The following JMJD1C variants were observed in gnomAD, a reference collection of about 807,000 sequenced individuals.
JMJD1C encodes jumonji domain containing 1C, also known as jumonji domain-containing protein 1C.
Under a neutral mutation model 245.3 loss-of-function variants are expected in JMJD1C, and 31 were observed. The observed-to-expected ratio is 0.13, with a 90% confidence interval of 0.09 to 0.17. JMJD1C has a LOEUF of 0.17. Ranked by LOEUF, JMJD1C falls within the 10% of genes least tolerant of loss-of-function variation. The probability of loss-of-function intolerance (pLI) is 1.00; values close to 1 mark genes in which losing one functional copy is unlikely to be tolerated. For missense variants in JMJD1C, 2,691 were observed against 3,000.2 expected (o/e 0.90, Z 2.41); for synonymous variants, 1,057 against 1,017.4 (o/e 1.04, Z -0.74).
At chr10:63,227,158 T>G (rs945585083) in intron 3 of JMJD1C, among the ~76,000 whole-genome samples, 1 of 151,810 alleles carries the variant, frequency 6.6e-6, no homozygotes, top group African/African-American at 2.4e-5. Flanking sequence ...TCTACTTAAT[T>G]CGAAAGAAAA....
chr10:63,257,233 A>G (rs1854086129), intron 3 of JMJD1C, among the ~76,000 whole-genome samples: 1 of 151,694 alleles, frequency 6.6e-6, no homozygotes, highest in African/African-American at 2.4e-5. Context: ...TCTCAAAAAA[A>G]AAAAAAAAAA....
intron 3 of JMJD1C, among the ~76,000 whole-genome samples, chr10:63,260,524 T>C (rs1302474197): frequency 1.3e-5 from 2 of 152,204 alleles, no homozygotes; most frequent in South Asian, 2.1e-4. Flanking sequence ...GAAAGTTTTT[T>C]TGAACTTCTA....
At chr10:63,232,316 A>C (rs1397082600) in intron 3 of JMJD1C, among the ~76,000 whole-genome samples, 1 of 152,218 alleles carries the variant, frequency 6.6e-6, no homozygotes, top group Non-Finnish European at 1.5e-5. Context: ...AAAATTGTTT[A>C]AAAGTTTCAG....
At chr10:63,248,092 G>A (rs1315366490) in intron 3 of JMJD1C, among the ~76,000 whole-genome samples, 1 of 151,976 alleles carries the variant, frequency 6.6e-6, no homozygotes, top group Non-Finnish European at 1.5e-5. Context: ...GCTGGGTGTG[G>A]TGGCGGGCGC....
chr10:63,331,550 C>T (rs1432714614), intron 2 of JMJD1C, among the ~76,000 whole-genome samples: 1 of 152,146 alleles, frequency 6.6e-6, no homozygotes, highest in Non-Finnish European at 1.5e-5. Context: ...AAACTGTTCG[C>T]CTCCATTTGT....
chr10:63,395,686 A>G (rs556006182), intron 1 of JMJD1C, among the ~76,000 whole-genome samples: 8 of 152,350 alleles, frequency 5.3e-5, no homozygotes, highest in African/African-American at 1.9e-4. Flanking sequence ...TTAATAGACA[A>G]AAGCTGGAAA....
At chr10:63,438,327 T>C (rs764385929) in intron 1 of JMJD1C, among the ~76,000 whole-genome samples, 3 of 152,144 alleles carry the variant, frequency 2.0e-5, no homozygotes, top group Non-Finnish European at 2.9e-5. Context: ...CCCACTCTTA[T>C]CAATTCTGTG....
At chr10:63,269,601 T>C (rs913627539) in intron 2 of JMJD1C, among the ~76,000 whole-genome samples, 7 of 152,178 alleles carry the variant, frequency 4.6e-5, no homozygotes, top group African/African-American at 1.7e-4. Flanking sequence ...GTATAACCAT[T>C]TTGCCTTAAA....
At chr10:63,442,263 C>G (rs998101203) in intron 1 of JMJD1C, among the ~76,000 whole-genome samples, 1 of 152,084 alleles carries the variant, frequency 6.6e-6, no homozygotes, top group African/African-American at 2.4e-5. Context: ...ATTTTTAAAC[C>G]TGGGTATATA....
intron 22 of JMJD1C, among the ~76,000 whole-genome samples, chr10:63,179,364 A>G (rs894940082): frequency 6.6e-6 from 1 of 151,728 alleles, no homozygotes; most frequent in Non-Finnish European, 1.5e-5. Flanking sequence ...AGCCAAGATC[A>G]CGCCATTGCA....
chr10:63,435,501 A>T (rs1324719831), intron 1 of JMJD1C, among the ~76,000 whole-genome samples: 3 of 152,172 alleles, frequency 2.0e-5, no homozygotes, highest in Non-Finnish European at 2.9e-5. Flanking sequence ...TGGAAAAGAA[A>T]TTTCTAATTT....
Position 63,208,719 on chromosome 10 carries a change from A to G in JMJD1C, c.2950T>C (p.Ser984Pro), listed in dbSNP as rs1234539321. ...AAGTGACAATCTTTTCCAGTCTGTGACCTATTTAGATCCAGGTCATTTTTG... is the reference window on the plus strand; with the variant it reads ...AAGTGACAATCTTTTCCAGTCTGTGGCCTATTTAGATCCAGGTCATTTTTG... ...SAKNDLDLNRSQTGKDCHLHR... is the reference protein window; with the variant it reads ...SAKNDLDLNRPQTGKDCHLHR... The change falls in exon 10 of 26, where the codon TCA (serine) becomes CCA (proline). Residue 984 changes from serine to proline, a missense_variant. Physicochemically the swap from Ser to Pro is moderately conservative, Grantham distance 74. Around this residue, in one of 9 missense-constraint regions of JMJD1C, gnomAD observed 1,562 missense variants for 1,490.7 expected, o/e 1.05. Transcript: ENST00000399262. 6.2e-7 allele frequency: 1 copy of G among 1,613,772 alleles called. No homozygotes were observed. Among genetic ancestry groups the G allele is most frequent in the African/African-American group, 1.3e-5 (1 of 74,904 alleles).
chr10:63,444,417 G>T (rs1277276320), intron 1 of JMJD1C, among the ~76,000 whole-genome samples: 1 of 151,790 alleles, frequency 6.6e-6, no homozygotes, highest in Non-Finnish European at 1.5e-5. Flanking sequence ...AGGATTACAG[G>T]CGCATGCCAC....
chr10:63,181,227 A>G (rs1843439336), intron 22 of JMJD1C, among the ~76,000 whole-genome samples: 2 of 152,138 alleles, frequency 1.3e-5, no homozygotes, highest in African/African-American at 4.8e-5. Context: ...TGTTTCTAAA[A>G]TCTGTTTTCT....
intron 2 of JMJD1C, among the ~76,000 whole-genome samples, chr10:63,374,196 A>T (rs1195456339): frequency 2.0e-5 from 3 of 152,194 alleles, no homozygotes; most frequent in Non-Finnish European, 4.4e-5. Flanking sequence ...CAAATATAAA[A>T]AACTCAAAAC....
At chr10:63,515,802 T>G (rs768248309) in intron 1 of JMJD1C, among the ~76,000 whole-genome samples, 5 of 152,236 alleles carry the variant, frequency 3.3e-5, no homozygotes, top group Non-Finnish European at 7.3e-5. Flanking sequence ...TACTTCTTAA[T>G]AGTTTTTAAG....
At chr10:63,170,440 G>A (rs1237330541) in intron 24 of JMJD1C, among the ~76,000 whole-genome samples, 1 of 152,168 alleles carries the variant, frequency 6.6e-6, no homozygotes, top group Non-Finnish European at 1.5e-5. Context: ...CATTTGTTTA[G>A]TGACTTTTCC....
intron 1 of JMJD1C, among the ~76,000 whole-genome samples, chr10:63,429,844 C>T (rs1197700119): frequency 6.6e-6 from 1 of 152,130 alleles, no homozygotes; most frequent in Admixed American, 6.5e-5. Flanking sequence ...TAAATTCACC[C>T]ACTCAATTTC....
chr10:63,429,357 A>G (rs1950618134), intron 1 of JMJD1C, among the ~76,000 whole-genome samples: 2 of 152,300 alleles, frequency 1.3e-5, no homozygotes, highest in East Asian at 3.9e-4. Context: ...AAGAAAAAAA[A>G]AAGACAGCTT....
Sources: gnomAD v4.1 joint callset for allele counts (sites outside exome capture counted in the v4.1 genomes callset) on GRCh38, gnomAD v4.1.1 for gene constraint, gnomAD v4.1.1 regional missense constraint, MANE v1.5 for transcripts, NCBI Gene and HGNC (gene_info 2026-07-23, HGNC 2026-07-21) for gene names.